Variants in MBTD1 observed in about 807,000 individuals in gnomAD.
MBTD1 encodes MBT domain-containing protein 1.
In MBTD1, 24 loss-of-function variants were observed where a neutral mutation model predicts 87.8. The ratio of observed to expected loss-of-function variants is 0.27; its 90% CI spans 0.20 to 0.38. The LOEUF is 0.38. Among genes scored for constraint, MBTD1 ranks in the 10% least tolerant of loss-of-function variants. The pLI is 1.00. For synonymous variants in MBTD1, 237 were observed against 248.6 expected (o/e 0.95, Z 0.44); for missense variants, 436 against 760.2 (o/e 0.57, Z 5.02).
At chr17:51,257,065 G>C (rs886310493) in intron 2 of MBTD1, among the ~76,000 whole-genome samples, 1 of 152,152 alleles carries the variant, frequency 6.6e-6, no homozygotes, top group African/African-American at 2.4e-5. Context: ...TTAAGCCAAG[G>C]TTTATTAAAA....
chr17:51,193,039 A>G lies in MBTD1; in HGVS notation c.1456-23T>C, dbSNP rs1005558101. The stretch of plus-strand genomic sequence containing the variant: ...ATCCTGACACAGAGAAGAAAACATT[A>G]ATATTGGTATGAAGAAGAAAGAATG... On this transcript the variant is annotated intron_variant, in intron 14 of 16. Transcript: ENST00000586178. The G allele has an allele frequency of 4.6e-6, 7 of 1,530,184 alleles. No individual in the cohort carries two copies. In the South Asian group the frequency reaches 7.9e-5, roughly 17 times the overall value. The allele number at this position is 1,530,184 out of a possible 1,614,324, so 94.8% of individuals were successfully genotyped here.
rs142962636 is a variant in MBTD1, at chr17:51,230,404, T to C, written c.-48-5195A>G. On this transcript the variant is annotated intron_variant, in intron 2 of 16. Coordinates refer to ENST00000586178, the MANE Select transcript of MBTD1 (RefSeq NM_017643.3). ...TCATTCGACATTTATCAAGTATTTG[T>C]GGGTCTCATAGTAACCAAGGCTAAA... 1.4e-4 allele frequency among the ~76,000 whole-genome samples: 22 copies of C among 152,186 alleles called. 2 individuals carry two copies. Among genetic ancestry groups the C allele is most frequent in the African/African-American group, 5.3e-4 (22 of 41,468 alleles).
intron 7 of MBTD1, 48 bp from the exon 8 acceptor site, chr17:51,203,973 TA>T (rs1568172834): frequency 6.9e-7 from 1 of 1,448,746 alleles, no homozygotes; most frequent in Admixed American, 2.1e-5. Flanking sequence ...TAAAATTAAA[TA>T]AAACAATACA....
chr17:51,245,477 T>G (rs1267167146), intron 2 of MBTD1, among the ~76,000 whole-genome samples: 1 of 152,128 alleles, frequency 6.6e-6, no homozygotes. Context: ...AGAAAAATTT[T>G]CCCGTATTTT....
At chr17:51,186,271 G>A (rs2050529434) in intron 16 of MBTD1, 1 of 152,580 alleles carries the variant, frequency 6.6e-6, no homozygotes. Flanking sequence ...GGTAAGAAAA[G>A]TGCATTATAT....
At chr17:51,193,192 CTAGT>C (rs1280624526) in intron 14 of MBTD1, among the ~76,000 whole-genome samples, 176 bp from the exon 15 acceptor site, 1 of 152,138 alleles carries the variant, frequency 6.6e-6, no homozygotes, top group East Asian at 1.9e-4. Context: ...TATTTAAAAA[CTAGT>C]TAGGAAAAAT....
intron 5 of MBTD1, among the ~76,000 whole-genome samples, chr17:51,218,393 G>C (rs2052692878): frequency 6.6e-6 from 1 of 151,884 alleles, no homozygotes; most frequent in African/African-American, 2.4e-5. Flanking sequence ...GCCAAGTGTG[G>C]TGGCGTGCGC....
intron 15 of MBTD1, 53 bp from the exon 16 acceptor site, chr17:51,192,333 G>A (rs1436995381): frequency 6.5e-6 from 8 of 1,231,872 alleles, no homozygotes; most frequent in East Asian, 5.1e-5. Context: ...CAATTTAGAC[G>A]ATACAGTTGT....
At chr17:51,241,897 C>G (rs1257591687) in intron 2 of MBTD1, among the ~76,000 whole-genome samples, 2 of 152,124 alleles carry the variant, frequency 1.3e-5, no homozygotes, top group Non-Finnish European at 2.9e-5. Flanking sequence ...TCGTTATTGT[C>G]CTTAATTATC....
At position 51,179,508 on chromosome 17, in the gene MBTD1, A is replaced by ATATTTATATATATATATATATTTATATT. The variant is rs1555673788; in HGVS notation, c.*1067_*1068insAATATAAATATATATATATATATAAATA. ...TTTATATATATATATATATATATAT[A>ATATTTATATATATATATATATTTATATT]TATATATATATATATATATATATAT... On this transcript the variant is annotated 3_prime_UTR_variant, in exon 17 of 17. Transcript: ENST00000586178. The ATATTTATATATATATATATATTTATATT allele has an allele frequency of 1.2e-5, 1 of 83,814 alleles. No individual in the cohort carries two copies. The highest frequency in any genetic ancestry group is 4.4e-5 in the African/African-American group (1 of 22,486). 5.2% of individuals were successfully genotyped at this position (83,814 alleles called of 1,614,324 possible). A position where few individuals can be genotyped will look rare whatever the true frequency, so the allele number is the denominator to read the frequency against.
chr17:51,243,632 A>C (rs551047606), intron 2 of MBTD1, among the ~76,000 whole-genome samples: 1 of 152,318 alleles, frequency 6.6e-6, no homozygotes, highest in Admixed American at 6.5e-5. Flanking sequence ...CTTCAAGACC[A>C]GGATCACATA....
intron 15 of MBTD1, chr17:51,192,572 CATT>C: frequency 1.2e-6 from 1 of 839,476 alleles, no homozygotes; most frequent in Non-Finnish European, 1.8e-6. Flanking sequence ...TTTCTATAGT[CATT>C]ATGTAATTGA....
Position 51,192,806 on chromosome 17 carries a change from G to A in MBTD1, c.1666C>T (p.Gln556Ter). ...CACTGTGATGCTGGAGGCTGTAGTT[G>A]ATATCCAGTTAACTGACACCACCCT... ...PVGWCQLTGY[Q>*]LQPPASQSSR... Residue 556 changes from glutamine to a stop codon, truncating the protein, a stop_gained, in exon 15 of 17, where the codon CAA becomes TAA. Transcript: ENST00000586178. LOFTEE classifies it high-confidence loss of function. 6.2e-7 allele frequency: 1 copy of A among 1,614,118 alleles called. No individual in the cohort carries two copies. The highest frequency in any genetic ancestry group is 8.5e-7 in the Non-Finnish European group (1 of 1,179,998).
Position 51,196,203 on chromosome 17 carries a change from C to A in MBTD1, c.1225-842G>T, listed in dbSNP as rs535512160. ...TTGGGATTACTGGCAAGAGCCACCA[C>A]GTCTGGCTGTGCCCACCCTGCCTTT... On this transcript the variant is annotated intron_variant, in intron 12 of 16. Transcript: ENST00000586178. Among the ~76,000 whole-genome samples, 3 of 150,522 alleles carry A rather than the reference C, an allele frequency of 2.0e-5. No individual in the cohort carries two copies. The South Asian group carries it at 6.3e-4, about 32-fold the overall frequency.
intron 2 of MBTD1, among the ~76,000 whole-genome samples, chr17:51,242,958 T>C (rs1255880772): frequency 6.6e-6 from 1 of 152,226 alleles, no homozygotes; most frequent in Non-Finnish European, 1.5e-5. Context: ...CTCCATTGTG[T>C]ATGTTTATTC....
At chr17:51,256,137 TTA>T (rs1239354444) in intron 2 of MBTD1, among the ~76,000 whole-genome samples, 2 of 152,234 alleles carry the variant, frequency 1.3e-5, no homozygotes, top group African/African-American at 4.8e-5. Context: ...GGAACACATC[TTA>T]ACATTTTATC....
At chr17:51,211,258 C>G (rs937773546) in intron 6 of MBTD1, among the ~76,000 whole-genome samples, 4 of 151,782 alleles carry the variant, frequency 2.6e-5, no homozygotes, top group Non-Finnish European at 1.5e-5. Context: ...TTTGGGAGGC[C>G]AAGGTTGGGG....
At chr17:51,214,755 G>T (rs1028705715) in intron 6 of MBTD1, among the ~76,000 whole-genome samples, 11 of 152,110 alleles carry the variant, frequency 7.2e-5, no homozygotes, top group African/African-American at 2.7e-4. Context: ...AGAAGAGAAG[G>T]CAGGTGTAGA....
At chr17:51,260,778 C>T (rs761604394), upstream of MBTD1, 1 of 1,578,520 alleles carries the variant, frequency 6.3e-7, no homozygotes, top group South Asian at 1.1e-5. Context: ...GCAGTCGCGG[C>T]GGCGGAGGAA....
Sources: gnomAD v4.1 joint callset for allele counts (sites outside exome capture counted in the v4.1 genomes callset) on GRCh38, gnomAD v4.1.1 for gene constraint, MANE v1.5 for transcripts, NCBI Gene and HGNC (gene_info 2026-07-23, HGNC 2026-07-21) for gene names.